The following FOXJ3 variants were observed in gnomAD, a reference collection of about 807,000 sequenced individuals.
The protein encoded by FOXJ3 is forkhead box J3, also known as forkhead box protein J3.
Under a neutral mutation model 76.1 loss-of-function variants are expected in FOXJ3, and 22 were observed. That is an observed-to-expected ratio of 0.29 (90% CI 0.21 to 0.41). The LOEUF (loss-of-function observed/expected upper bound fraction) is 0.41, where lower values mean the gene tolerates loss of function less well. Among genes scored for constraint, FOXJ3 ranks in the 10% least tolerant of loss-of-function variants. The pLI is 1.00. For missense variants in FOXJ3, 613 were observed against 762.1 expected (o/e 0.80, Z 2.30); for synonymous variants, 269 against 261.2 (o/e 1.03, Z -0.29).
At chr1:42,329,719 T>C (rs1244008532) in intron 1 of FOXJ3, among the ~76,000 whole-genome samples, 2 of 152,184 alleles carry the variant, frequency 1.3e-5, no homozygotes, top group South Asian at 2.1e-4. Context: ...AACAAAAAAA[T>C]GTCTAAACAA....
At chr1:42,200,929 T>C (rs918243940) in intron 6 of FOXJ3, among the ~76,000 whole-genome samples, 1 of 152,228 alleles carries the variant, frequency 6.6e-6, no homozygotes, top group Non-Finnish European at 1.5e-5. Context: ...GGAAAAACTG[T>C]CTTCTTTACA....
At chr1:42,247,791 A>C (rs1161499633) in intron 4 of FOXJ3, among the ~76,000 whole-genome samples, 1 of 152,196 alleles carries the variant, frequency 6.6e-6, no homozygotes, top group Non-Finnish European at 1.5e-5. Context: ...CACTGAGTCT[A>C]TCCTAAAGTG....
At chr1:42,293,572 C>G (rs1653582707) in intron 2 of FOXJ3, among the ~76,000 whole-genome samples, 1 of 151,468 alleles carries the variant, frequency 6.6e-6, no homozygotes, top group African/African-American at 2.4e-5. Flanking sequence ...ATATCAATAG[C>G]AAAAAAAAAT....
Position 42,242,649 on chromosome 1 carries a change from C to A in FOXJ3, c.445-14683G>T, listed in dbSNP as rs551351557. On this transcript the variant is annotated intron_variant, in intron 4 of 12. Coordinates refer to ENST00000361346, the MANE Select transcript of FOXJ3 (RefSeq NM_014947.5). ...CATGCCACACATGCTGCCCAGGTGA[C>A]CAAGGACACGGCAATCTACCCGGCC... 2.0e-5 allele frequency among the ~76,000 whole-genome samples: 3 copies of A among 151,828 alleles called. No individual in the cohort carries two copies. In the East Asian group the frequency reaches 5.8e-4, roughly 29 times the overall value.
intron 2 of FOXJ3, among the ~76,000 whole-genome samples, chr1:42,287,505 G>A (rs1570161761): frequency 6.6e-6 from 1 of 152,260 alleles, no homozygotes. Flanking sequence ...TCTTCTCTAA[G>A]TTAAAAGTCC....
intron 5 of FOXJ3, among the ~76,000 whole-genome samples, chr1:42,213,870 A>G (rs866648529): frequency 6.6e-5 from 10 of 152,182 alleles, no homozygotes; most frequent in African/African-American, 2.4e-4. Context: ...CATCCCAATG[A>G]CTACAGTTAA....
chr1:42,186,669 G>C (rs561156769), intron 11 of FOXJ3, among the ~76,000 whole-genome samples: 1 of 152,236 alleles, frequency 6.6e-6, no homozygotes, highest in African/African-American at 2.4e-5. Flanking sequence ...TCTAGAAGGA[G>C]TGCCTGGGTA....
At chr1:42,201,206 G>C (rs1646758562) in intron 6 of FOXJ3, among the ~76,000 whole-genome samples, 2 of 152,082 alleles carry the variant, frequency 1.3e-5, no homozygotes, top group Admixed American at 6.5e-5. Context: ...CTTTATTTCT[G>C]TCCTTCCAAA....
At chr1:42,247,240 C>T (rs1306761852) in intron 4 of FOXJ3, among the ~76,000 whole-genome samples, 1 of 152,088 alleles carries the variant, frequency 6.6e-6, no homozygotes, top group African/African-American at 2.4e-5. Flanking sequence ...TTGATCATTA[C>T]ACATTCTATG....
rs546796237 is a variant in FOXJ3, at chr1:42,308,657, G to A, written c.44+2393C>T. ...TAAATATCATGACTCAGATGTCACA[G>A]GGCTTCTCAGTTTATAAATTAAAGG... On this transcript the variant is annotated intron_variant, in intron 2 of 12. Coordinates refer to ENST00000361346, the MANE Select transcript of FOXJ3 (RefSeq NM_014947.5). Among the ~76,000 whole-genome samples, 10 of 152,218 alleles carry A rather than the reference G, an allele frequency of 6.6e-5. 1 individual carries two copies. The highest frequency in any genetic ancestry group is 1.5e-4 in the Non-Finnish European group (10 of 68,018).
chr1:42,227,337 G>A (rs1569948349), intron 5 of FOXJ3, among the ~76,000 whole-genome samples: 1 of 152,322 alleles, frequency 6.6e-6, no homozygotes, highest in East Asian at 1.9e-4. Flanking sequence ...TGTTAAAATA[G>A]ACAACTTAGG....
At chr1:42,212,417 A>G (rs1053319999) in intron 5 of FOXJ3, among the ~76,000 whole-genome samples, 1 of 152,242 alleles carries the variant, frequency 6.6e-6, no homozygotes, top group African/African-American at 2.4e-5. Context: ...TAAAAGACCT[A>G]TTTAGAGAAC....
chr1:42,264,540 C>T (rs917523830), intron 4 of FOXJ3, among the ~76,000 whole-genome samples: 1 of 151,950 alleles, frequency 6.6e-6, no homozygotes, highest in East Asian at 1.9e-4. Context: ...TACAGTACAA[C>T]CAAGTACTCT....
chr1:42,180,580 AT>A (rs1375660951), intron 12 of FOXJ3, among the ~76,000 whole-genome samples: 3 of 151,424 alleles, frequency 2.0e-5, no homozygotes, highest in African/African-American at 7.3e-5. Flanking sequence ...GTTTTACTGG[AT>A]TTTTTTTTAG....
chr1:42,262,136 T>C (rs1280847104), intron 4 of FOXJ3, among the ~76,000 whole-genome samples: 10 of 152,194 alleles, frequency 6.6e-5, no homozygotes, highest in South Asian at 2.1e-4. Context: ...TTGCCACTAA[T>C]TGGACTGAAA....
At chr1:42,253,531 G>T (rs1180866902) in intron 4 of FOXJ3, among the ~76,000 whole-genome samples, 1 of 150,602 alleles carries the variant, frequency 6.6e-6, no homozygotes, top group African/African-American at 2.4e-5. Flanking sequence ...GAAGAACAAA[G>T]CTGGAGGCAT....
intron 2 of FOXJ3, among the ~76,000 whole-genome samples, chr1:42,297,302 C>G (rs1254988049): frequency 6.6e-6 from 1 of 152,112 alleles, no homozygotes; most frequent in Non-Finnish European, 1.5e-5. Flanking sequence ...ATTTCCAGTA[C>G]TATGTTGAAC....
intron 4 of FOXJ3, among the ~76,000 whole-genome samples, chr1:42,255,751 G>A (rs1402561775): frequency 6.6e-6 from 1 of 152,228 alleles, no homozygotes; most frequent in Non-Finnish European, 1.5e-5. Flanking sequence ...TGCCGGATGT[G>A]GTGGCTCATG....
At chr1:42,239,141 T>G (rs1648932035) in intron 4 of FOXJ3, among the ~76,000 whole-genome samples, 1 of 152,214 alleles carries the variant, frequency 6.6e-6, no homozygotes, top group Admixed American at 6.5e-5. Context: ...CTTGCTAAAC[T>G]CACATATTAT....
Sources: allele counts gnomAD v4.1 joint callset (sites outside exome capture counted in the v4.1 genomes callset), GRCh38; gene constraint gnomAD v4.1.1; transcripts MANE v1.5; gene names NCBI Gene and HGNC (gene_info 2026-07-23, HGNC 2026-07-21).